COL4A2: variants seen among roughly 807,000 people sequenced by gnomAD.
The protein encoded by COL4A2 is collagen alpha-2(IV) chain.
A neutral mutation model predicts 200.2 loss-of-function variants in COL4A2; 99 were observed. That is an observed-to-expected ratio of 0.49 (90% CI 0.42 to 0.58). The LOEUF is 0.58. COL4A2 is among the 20% of genes least tolerant of loss of function. The pLI, the probability that COL4A2 is intolerant of heterozygous loss-of-function variation, is 0.00. For missense variants in COL4A2, 1,950 were observed against 2,314.1 expected (o/e 0.84, Z 3.23); for synonymous variants, 897 against 900.6 (o/e 1.00, Z 0.07).
At chr13:110,470,682 A>G (rs1882435544) in intron 28 of COL4A2, among the ~76,000 whole-genome samples, 2 of 152,174 alleles carry the variant, frequency 1.3e-5, no homozygotes, top group South Asian at 4.2e-4. Flanking sequence ...TATCACACAG[A>G]ACATCGGGAC....
intron 3 of COL4A2, among the ~76,000 whole-genome samples, chr13:110,349,121 C>T (rs912621509): frequency 2.0e-5 from 3 of 152,122 alleles, no homozygotes; most frequent in African/African-American, 7.2e-5. Flanking sequence ...TATATGTTGA[C>T]AATTTGCAGT....
chr13:110,309,054 C>G (rs1421254783), intron 3 of COL4A2, among the ~76,000 whole-genome samples: 1 of 152,202 alleles, frequency 6.6e-6, no homozygotes, highest in African/African-American at 2.4e-5. Context: ...CCTCCCTCCT[C>G]AGCGCGCACT....
At chr13:110,375,339 G>A (rs571810143) in intron 4 of COL4A2, among the ~76,000 whole-genome samples, 24 of 152,306 alleles carry the variant, frequency 1.6e-4, no homozygotes, top group African/African-American at 5.5e-4. Context: ...CTGTCACAGT[G>A]CAGAGGCTCA....
intron 34 of COL4A2, among the ~76,000 whole-genome samples, chr13:110,486,903 G>A (rs1684413907): frequency 6.6e-6 from 1 of 152,162 alleles, no homozygotes; most frequent in Non-Finnish European, 1.5e-5. Context: ...CTTTTGTGGT[G>A]GAATGTCATC....
rs1452815964 is a variant in COL4A2, at chr13:110,507,997, G to C, written c.4657G>C (p.Asp1553His). 6.2e-7 allele frequency: 1 copy of C among 1,614,232 alleles called. No individual in the cohort carries two copies. Among genetic ancestry groups the C allele is most frequent in the Non-Finnish European group, 8.5e-7 (1 of 1,180,044 alleles). ...TMPFLYCNPGDVCYYASRNDK... is the reference protein window; with the variant it reads ...TMPFLYCNPGHVCYYASRNDK... ...GCCCTTCCTGTACTGCAACCCTGGT[G>C]ATGTCTGCTACTATGCCAGCCGGAA... is the stretch of plus-strand genomic sequence containing the variant. The change falls in exon 47 of 48, where the codon GAT (aspartate) becomes CAT (histidine). Residue 1553 changes from aspartate to histidine, a missense_variant. Asp to His is a moderately conservative substitution (Grantham distance 81, BLOSUM62 -1). This residue lies in a region of COL4A2 where 1,385 missense variants were observed against 1,720.5 expected (regional missense o/e 0.80). Coordinates refer to ENST00000360467, the MANE Select transcript of COL4A2 (RefSeq NM_001846.4).
intron 45 of COL4A2, among the ~76,000 whole-genome samples, chr13:110,505,173 A>T (rs1566572753): frequency 6.6e-6 from 1 of 150,744 alleles, no homozygotes; most frequent in African/African-American, 2.4e-5. Context: ...ACACGGTGAA[A>T]CCCCGTCTCT....
At chr13:110,438,809 C>CCT in intron 15 of COL4A2, 141 bp downstream of exon 15, 13 of 753,534 alleles carry the variant, frequency 1.7e-5, no homozygotes, top group African/African-American at 2.3e-5. Context: ...CCCACCCCCC[C>CCT]CCACACACAC....
At chr13:110,408,659 C>T (rs949418655) in intron 4 of COL4A2, among the ~76,000 whole-genome samples, 1 of 152,154 alleles carries the variant, frequency 6.6e-6, no homozygotes, top group Non-Finnish European at 1.5e-5. Context: ...TATGGTCGGG[C>T]GTGGACACAG....
intron 3 of COL4A2, among the ~76,000 whole-genome samples, chr13:110,311,121 G>A (rs1884969475): frequency 6.6e-6 from 1 of 152,072 alleles, no homozygotes; most frequent in South Asian, 2.1e-4. Context: ...CTAGGAAGGA[G>A]GCTCTCCCCC....
chr13:110,424,657 T>G, intron 4 of COL4A2, 77 bp from the exon 5 acceptor site: 4 of 964,944 alleles, frequency 4.1e-6, no homozygotes, highest in Non-Finnish European at 4.6e-6. Context: ...AAAAATGTAG[T>G]TTTGAAAGTA....
At chr13:110,324,316 T>G (rs1196289799) in intron 3 of COL4A2, among the ~76,000 whole-genome samples, 1 of 152,178 alleles carries the variant, frequency 6.6e-6, no homozygotes, top group Non-Finnish European at 1.5e-5. Flanking sequence ...CTGGATGTGG[T>G]GGTCACCATC....
intron 3 of COL4A2, among the ~76,000 whole-genome samples, chr13:110,355,081 T>C (rs999937327): frequency 1.3e-5 from 2 of 152,206 alleles, no homozygotes; most frequent in Admixed American, 1.3e-4. Context: ...TAAAATACAA[T>C]TTGCTTAACA....
intron 4 of COL4A2, among the ~76,000 whole-genome samples, chr13:110,364,642 C>T (rs1453498167): frequency 1.3e-5 from 2 of 152,142 alleles, no homozygotes; most frequent in African/African-American, 2.4e-5. Context: ...AATATATAAG[C>T]CCAATAGGTC....
chr13:110,349,859 G>A (rs574024854), intron 3 of COL4A2, among the ~76,000 whole-genome samples: 3 of 152,182 alleles, frequency 2.0e-5, no homozygotes, highest in Non-Finnish European at 4.4e-5. Context: ...CACTTCTCGG[G>A]TTGAAGTGAT....
chr13:110,437,461 G>T (rs1315477152), intron 13 of COL4A2, among the ~76,000 whole-genome samples: 2 of 152,182 alleles, frequency 1.3e-5, no homozygotes, highest in Non-Finnish European at 2.9e-5. Flanking sequence ...GAAATGACGG[G>T]GACAAAGGAC....
At chr13:110,475,004 T>G (rs892038796) in intron 29 of COL4A2, among the ~76,000 whole-genome samples, 1 of 149,236 alleles carries the variant, frequency 6.7e-6, no homozygotes, top group East Asian at 2.0e-4. Flanking sequence ...TCACACATGA[T>G]CGTACACTCA....
At chr13:110,455,473 T>C (rs1012462273) in intron 20 of COL4A2, among the ~76,000 whole-genome samples, 1 of 152,184 alleles carries the variant, frequency 6.6e-6, no homozygotes, top group South Asian at 2.1e-4. Context: ...TCCCTGCTGC[T>C]TTTCCCCTGT....
At chr13:110,339,373 G>A (rs1296454871) in intron 3 of COL4A2, among the ~76,000 whole-genome samples, 1 of 152,182 alleles carries the variant, frequency 6.6e-6, no homozygotes, top group Non-Finnish European at 1.5e-5. Context: ...CTTCATCTTA[G>A]GGAAGTTCCC....
At chr13:110,355,455 G>GTA (rs1877172202) in intron 3 of COL4A2, among the ~76,000 whole-genome samples, 1 of 112,284 alleles carries the variant, frequency 8.9e-6, no homozygotes, top group African/African-American at 3.4e-5. Context: ...TGTGTGTGGG[G>GTA]GAGGGCTGCA....
Sources: gnomAD v4.1 joint callset for allele counts (sites outside exome capture counted in the v4.1 genomes callset) on GRCh38, gnomAD v4.1.1 for gene constraint, gnomAD v4.1.1 regional missense constraint, MANE v1.5 for transcripts, NCBI Gene and HGNC (gene_info 2026-07-23, HGNC 2026-07-21) for gene names.